SLC39A8: variants seen among roughly 807,000 people sequenced by gnomAD.
SLC39A8 encodes solute carrier family 39 member 8.
In SLC39A8, 15 loss-of-function variants were observed where a neutral mutation model predicts 40.4. The ratio of observed to expected loss-of-function variants is 0.37; its 90% CI spans 0.25 to 0.57. The LOEUF (loss-of-function observed/expected upper bound fraction) is 0.57, where lower values mean the gene tolerates loss of function less well. Among genes scored for constraint, SLC39A8 ranks in the 20% least tolerant of loss-of-function variants. SLC39A8 has a pLI of 0.75. For missense variants in SLC39A8, 472 were observed against 558.8 expected, an observed-to-expected ratio of 0.84 and a Z score of 1.57; for synonymous variants, 223 against 221.6, an observed-to-expected ratio of 1.01 and a Z score of -0.06.
At chr4:102,318,099 T>C (rs1047293725) in intron 2 of SLC39A8, among the ~76,000 whole-genome samples, 1 of 152,184 alleles carries the variant, frequency 6.6e-6, no homozygotes, top group Non-Finnish European at 1.5e-5. Flanking sequence ...CGAGCTTGAA[T>C]GCCACCACCC....
chr4:102,322,161 C>A (rs1306301314), intron 2 of SLC39A8, among the ~76,000 whole-genome samples: 1 of 152,166 alleles, frequency 6.6e-6, no homozygotes, highest in Admixed American at 6.5e-5. Flanking sequence ...ACCTGTGCTA[C>A]TGAAAAACTC....
Position 102,344,566 on chromosome 4 carries a change from C to A in SLC39A8, c.97G>T (p.Val33Leu), listed in dbSNP as rs373562040. The A allele has an allele frequency of 1.2e-5, 18 of 1,552,184 alleles. No individual in the cohort carries two copies. The highest frequency in any genetic ancestry group is 1.5e-5 in the Non-Finnish European group (17 of 1,147,988). Residue 33 changes from valine to leucine, a missense_variant, in exon 2 of 9, where the codon GTG (valine) becomes TTG (leucine). Around this residue, in one of 4 missense-constraint regions of SLC39A8, gnomAD observed 175 missense variants for 160.5 expected, o/e 1.09. Coordinates refer to ENST00000356736, the MANE Select transcript of SLC39A8 (RefSeq NM_001135146.2). ...AGATTCGCGCCGAACACGCTCAGCA[C>A]ATCCTCGCTGAAGGCTAGCCCTGGC... Reference protein sequence around the residue: ...EGPGLAFSEDVLSVFGANLSL... With the variant: ...EGPGLAFSEDLLSVFGANLSL...
chr4:102,340,706 A>C (rs1228862372), intron 2 of SLC39A8, among the ~76,000 whole-genome samples: 1 of 152,252 alleles, frequency 6.6e-6, no homozygotes, highest in African/African-American at 2.4e-5. Flanking sequence ...GCAGTCATTT[A>C]AAATGTCTGC....
chr4:102,301,338 G>A (rs746845108), intron 6 of SLC39A8, among the ~76,000 whole-genome samples: 4 of 151,914 alleles, frequency 2.6e-5, no homozygotes, highest in South Asian at 2.1e-4. Flanking sequence ...TTTCTTCCCC[G>A]ATATTTGCAT....
chr4:102,338,640 C>T (rs1177250593), intron 2 of SLC39A8, among the ~76,000 whole-genome samples: 1 of 152,146 alleles, frequency 6.6e-6, no homozygotes, highest in African/African-American at 2.4e-5. Context: ...AGTTCAAAAT[C>T]TAAGGTCATG....
chr4:102,276,294 G>A (rs1193538055), intron 6 of SLC39A8, among the ~76,000 whole-genome samples: 1 of 152,060 alleles, frequency 6.6e-6, no homozygotes, highest in Non-Finnish European at 1.5e-5. Context: ...TAAAAAAAAT[G>A]GTAAAGGGGA....
intron 6 of SLC39A8, among the ~76,000 whole-genome samples, chr4:102,302,151 T>G (rs948565592): frequency 3.3e-5 from 5 of 152,034 alleles, no homozygotes; most frequent in African/African-American, 1.2e-4. Flanking sequence ...TCAAAGCTCC[T>G]TCTCTGTAGA....
intron 6 of SLC39A8, among the ~76,000 whole-genome samples, chr4:102,279,626 G>C (rs1010979437): frequency 6.6e-6 from 1 of 152,138 alleles, no homozygotes; most frequent in South Asian, 2.1e-4. Context: ...AGGTATTGTC[G>C]ATGGGGGGGC....
At chr4:102,282,757 C>G (rs548304124) in intron 6 of SLC39A8, among the ~76,000 whole-genome samples, 61 of 152,212 alleles carry the variant, frequency 4.0e-4, no homozygotes, top group Non-Finnish European at 7.6e-4. Flanking sequence ...GACGGAGTCC[C>G]ACTCTGTCGT....
intron 3 of SLC39A8, among the ~76,000 whole-genome samples, chr4:102,310,318 C>T (rs1734377085): frequency 1.3e-5 from 2 of 152,226 alleles, no homozygotes; most frequent in Non-Finnish European, 2.9e-5. Flanking sequence ...ACTCTTTGTT[C>T]ACTTACCACT....
intron 11 of SLC39A8, among the ~76,000 whole-genome samples, chr4:102,256,418 C>T (rs942815162): frequency 2.0e-5 from 3 of 152,072 alleles, no homozygotes; most frequent in Admixed American, 6.5e-5. Flanking sequence ...TTTAAAAATA[C>T]GTGATGATTC....
intron 2 of SLC39A8, among the ~76,000 whole-genome samples, chr4:102,335,965 G>A (rs1010348662): frequency 6.6e-6 from 1 of 152,066 alleles, no homozygotes; most frequent in Non-Finnish European, 1.5e-5. Context: ...AGACAATTTT[G>A]TTAAGGATAA....
chr4:102,334,817 T>C (rs1318792168), intron 2 of SLC39A8, among the ~76,000 whole-genome samples: 1 of 152,222 alleles, frequency 6.6e-6, no homozygotes, highest in African/African-American at 2.4e-5. Flanking sequence ...ATATGAGTCA[T>C]CTGATTTAAA....
intron 11 of SLC39A8, among the ~76,000 whole-genome samples, chr4:102,255,077 C>T (rs1731677916): frequency 6.6e-6 from 1 of 152,120 alleles, no homozygotes; most frequent in African/African-American, 2.4e-5. Context: ...TTTTGCTCAC[C>T]ACTACTGGAA....
chr4:102,342,127 C>G (rs575733393), intron 2 of SLC39A8, among the ~76,000 whole-genome samples: 6 of 152,170 alleles, frequency 3.9e-5, no homozygotes, highest in Non-Finnish European at 7.4e-5. Flanking sequence ...CCATCACTTA[C>G]CAGCAAATCA....
chr4:102,325,422 C>T (rs576418207), intron 2 of SLC39A8, among the ~76,000 whole-genome samples: 1 of 115,394 alleles, frequency 8.7e-6, no homozygotes, highest in East Asian at 2.2e-4. Flanking sequence ...TACACACACA[C>T]TCACATGCAT....
At chr4:102,267,701 G>A in intron 7 of SLC39A8, 27 bp from the exon 8 acceptor site, 1 of 1,559,846 alleles carries the variant, frequency 6.4e-7, no homozygotes, top group Non-Finnish European at 8.6e-7. Context: ...AAAATATCAA[G>A]TGAATAGTTT....
rs1731907938 is a variant in SLC39A8, at chr4:102,262,493, A to T, written c.*551T>A. 1.0e-6 allele frequency: 1 copy of T among 985,354 alleles called. No homozygotes were observed. Among genetic ancestry groups the T allele is most frequent in the East Asian group, 1.1e-4 (1 of 8,958 alleles). 61.0% of individuals were successfully genotyped at this position (985,354 alleles called of 1,614,324 possible). On this transcript the variant is annotated 3_prime_UTR_variant, in exon 9 of 9. Transcript: ENST00000356736. ...AATACTGCAAGTTCCTAATTGAAAT[A>T]CAAAACAGAACAAAAAGCTGTGAGA...
At chr4:102,344,259 C>T (rs1021586155) in intron 2 of SLC39A8, among the ~76,000 whole-genome samples, 185 bp downstream of exon 2, 12 of 152,068 alleles carry the variant, frequency 7.9e-5, no homozygotes, top group African/African-American at 2.7e-4. Flanking sequence ...CCCTTAACAA[C>T]GTTAACCTTT....
Sources: gnomAD v4.1 joint callset for allele counts (sites outside exome capture counted in the v4.1 genomes callset) on GRCh38, gnomAD v4.1.1 for gene constraint, gnomAD v4.1.1 regional missense constraint, MANE v1.5 for transcripts, NCBI Gene and HGNC (gene_info 2026-07-23, HGNC 2026-07-21) for gene names.